CLEC12A: variants seen among roughly 807,000 people sequenced by gnomAD.
CLEC12A encodes the protein C-type lectin domain family 12 member A.
A neutral mutation model predicts 26.5 loss-of-function variants in CLEC12A; 22 were observed. The observed-to-expected ratio is 0.83, with a 90% CI of 0.59 to 1.19. The LOEUF is 1.19. Among genes scored for constraint, CLEC12A ranks in the 50% most tolerant of loss-of-function variants. CLEC12A has a pLI of 0.00. For missense variants in CLEC12A, 353 were observed against 315.6 expected (o/e 1.12, Z -0.90); for synonymous variants, 119 against 101.9 (o/e 1.17, Z -1.01).
chr12:9,959,819 G>T (rs1411596489), intron 1 of CLEC12A, among the ~76,000 whole-genome samples: 1 of 152,156 alleles, frequency 6.6e-6, no homozygotes, highest in Non-Finnish European at 1.5e-5. Context: ...CCCAGAAATG[G>T]ATTAGCTCTT....
chr12:10,000,509 C>T (rs1865146005), downstream of CLEC12A, among the ~76,000 whole-genome samples: 1 of 152,036 alleles, frequency 6.6e-6, no homozygotes, highest in Admixed American at 6.5e-5. Flanking sequence ...TAAAAAAAAA[C>T]ACATTTGAAA....
chr12:9,977,923 C>T (rs1864401338), intron 1 of CLEC12A, among the ~76,000 whole-genome samples: 1 of 152,160 alleles, frequency 6.6e-6, no homozygotes, highest in East Asian at 1.9e-4. Context: ...TAATTGAATA[C>T]ACATATAAAT....
chr12:9,967,826 G>A (rs190507245), upstream of CLEC12A, among the ~76,000 whole-genome samples: 203 of 152,236 alleles, frequency 1.3e-3, no homozygotes, highest in African/African-American at 4.6e-3. Flanking sequence ...AGTACTTGTC[G>A]CTAAGGGTGA....
chr12:9,979,855 T>G (rs1183325914), intron 3 of CLEC12A, among the ~76,000 whole-genome samples: 1 of 152,198 alleles, frequency 6.6e-6, no homozygotes, highest in East Asian at 1.9e-4. Flanking sequence ...TGACACCTCT[T>G]TACAGGTGAC....
chr12:9,993,539 G>A (rs1283079355), intron 4 of CLEC12A, among the ~76,000 whole-genome samples: 2 of 152,032 alleles, frequency 1.3e-5, no homozygotes, highest in Non-Finnish European at 2.9e-5. Flanking sequence ...GGTACAATAG[G>A]AGCCCTGAAG....
At chr12:9,955,191 A>C (rs1258561815) in intron 1 of CLEC12A, among the ~76,000 whole-genome samples, 1 of 152,040 alleles carries the variant, frequency 6.6e-6, no homozygotes, top group Non-Finnish European at 1.5e-5. Context: ...GGTTCACGCC[A>C]TTCTCCTGCC....
At chr12:9,958,650 T>C (rs758154099) in intron 1 of CLEC12A, among the ~76,000 whole-genome samples, 3 of 152,212 alleles carry the variant, frequency 2.0e-5, no homozygotes, top group Non-Finnish European at 2.9e-5. Context: ...CCTAGGACTT[T>C]CCTGGGGCTT....
intron 4 of CLEC12A, chr12:9,993,346 G>T: frequency 5.1e-6 from 7 of 1,361,432 alleles, no homozygotes; most frequent in Non-Finnish European, 7.1e-6. Flanking sequence ...TCAGTAATCA[G>T]ACTCTGCGTA....
At chr12:9,978,047 A>G (rs1414904547) in intron 1 of CLEC12A, among the ~76,000 whole-genome samples, 1 of 152,124 alleles carries the variant, frequency 6.6e-6, no homozygotes, top group East Asian at 1.9e-4. Context: ...ATATAAGTTA[A>G]GTTTTACTAT....
At chr12:9,958,133 G>T (rs547092894) in intron 1 of CLEC12A, among the ~76,000 whole-genome samples, 2 of 152,258 alleles carry the variant, frequency 1.3e-5, no homozygotes, top group African/African-American at 4.8e-5. Context: ...ATAATGTGAA[G>T]GAATTGTTCT....
chr12:9,960,732 C>G (rs143306655), intron 1 of CLEC12A, among the ~76,000 whole-genome samples: 4 of 152,064 alleles, frequency 2.6e-5, no homozygotes, highest in African/African-American at 9.7e-5. Flanking sequence ...AGAAATGGAC[C>G]CTGTCTGGTC....
chr12:9,969,951 T>C (rs186961842), upstream of CLEC12A, among the ~76,000 whole-genome samples: 14 of 152,322 alleles, frequency 9.2e-5, no homozygotes, highest in East Asian at 2.5e-3. Context: ...GTGATAATAA[T>C]AGCACCTGGT....
chr12:10,004,912 C>T, the CLEC12A span, among the ~76,000 whole-genome samples: 1 of 149,460 alleles, frequency 6.7e-6, no homozygotes, highest in Non-Finnish European at 1.5e-5. Context: ...CTATCCCTCC[C>T]CACTCCCCCG....
At chr12:9,978,882 A>C in intron 1 of CLEC12A, 84 bp from the exon 2 acceptor site, 1 of 933,648 alleles carries the variant, frequency 1.1e-6, no homozygotes. Context: ...ATAAAGGTAA[A>C]ATGAATGAAT....
At chr12:9,957,513 CA>C (rs1454417665) in intron 1 of CLEC12A, among the ~76,000 whole-genome samples, 1 of 145,998 alleles carries the variant, frequency 6.8e-6, no homozygotes, top group East Asian at 2.0e-4. Context: ...AACAAAAAAA[CA>C]AAAAAAAGGT....
In CLEC12A at chr12:9,984,972, T is replaced by C. The variant is rs762485641; in HGVS notation, c.744T>C (p.Cys248=). 11 of 1,556,408 alleles carry C rather than the reference T, an allele frequency of 7.1e-6. No individual in the cohort carries two copies. Among genetic ancestry groups the C allele is most frequent in the Non-Finnish European group, 9.6e-6 (11 of 1,148,600 alleles). The change falls in exon 6 of 6, where the codon TGT becomes TGC. Residue 248 remains cysteine (C), a synonymous_variant. Coordinates refer to ENST00000304361, the MANE Select transcript of CLEC12A (RefSeq NM_138337.6). ...YHCTYKKRMI[C]EKMANPVQLG... is the part of the protein sequence containing the mutation. ...GCACTTATAAAAAAAGAATGATATG[T>C]GAGAAGATGGCCAATCCAGTGCAGC... is the stretch of plus-strand genomic sequence containing the variant.
chr12:9,998,642 A>ATT (rs1181681448), downstream of CLEC12A, among the ~76,000 whole-genome samples: 1 of 53,656 alleles, frequency 1.9e-5, no homozygotes, highest in African/African-American at 7.4e-5. Flanking sequence ...ATGTGTTTGT[A>ATT]TTTTTTGTTT....
intron 4 of CLEC12A, chr12:9,993,416 A>C (rs111589963): frequency 3.6e-6 from 2 of 551,760 alleles, no homozygotes; most frequent in Admixed American, 4.0e-5. Flanking sequence ...CAAAAAAAAA[A>C]ACGATTCTCA....
At chr12:9,988,420 T>A (rs183724933), downstream of CLEC12A, among the ~76,000 whole-genome samples, 2 of 152,122 alleles carry the variant, frequency 1.3e-5, no homozygotes, top group East Asian at 3.8e-4. Flanking sequence ...CATCAGAGTG[T>A]ACAGGCAACC....
Sources: allele counts gnomAD v4.1 joint callset (sites outside exome capture counted in the v4.1 genomes callset), GRCh38; gene constraint gnomAD v4.1.1; transcripts MANE v1.5; gene names NCBI Gene and HGNC (gene_info 2026-07-23, HGNC 2026-07-21).